MAP4K3: variants seen among roughly 807,000 people sequenced by gnomAD.
MAP4K3 encodes MAPK/ERK kinase kinase kinase 3.
Under a neutral mutation model 143.5 loss-of-function variants are expected in MAP4K3, and 94 were observed. That is an observed-to-expected ratio of 0.65 (90% CI 0.55 to 0.78). MAP4K3 has a LOEUF of 0.78. Among genes scored for constraint, MAP4K3 ranks in the 30% least tolerant of loss-of-function variants. The pLI is 0.00. For missense variants in MAP4K3, 1,077 were observed against 1,068.1 expected, an observed-to-expected ratio of 1.01 and a Z score of -0.12; for synonymous variants, 416 against 347.2, an observed-to-expected ratio of 1.20 and a Z score of -2.20.
intron 6 of MAP4K3, among the ~76,000 whole-genome samples, chr2:39,336,471 C>CAAAAAAAAAAAAAAAAAAA (rs55780656): frequency 2.6e-5 from 1 of 38,664 alleles, no homozygotes; most frequent in African/African-American, 1.5e-4. Flanking sequence ...GACTCCATCT[C>CAAAAAAAAAAAAAAAAAAA]AAAAAAAAAA....
At chr2:39,388,446 G>T (rs537174409) in intron 1 of MAP4K3, among the ~76,000 whole-genome samples, 1 of 152,194 alleles carries the variant, frequency 6.6e-6, no homozygotes, top group Admixed American at 6.5e-5. Context: ...TCTGTTAAAT[G>T]TATTTACTGA....
chr2:39,366,132 A>G (rs1469368501), intron 2 of MAP4K3, among the ~76,000 whole-genome samples: 1 of 152,166 alleles, frequency 6.6e-6, no homozygotes, highest in Non-Finnish European at 1.5e-5. Flanking sequence ...AGTCCTCAGG[A>G]GACCTGAGAA....
rs576717002 is a variant in MAP4K3 at position 39,405,712 on chromosome 2, A to C, written c.97-27589T>G. On this transcript the variant is annotated intron_variant, in intron 1 of 33. Transcript: ENST00000263881. ...TTGAAATGCCGTGTCTACAAAAAATACAAACATTAGCCAGCTGCAGTGGTG... is the reference window on the plus strand; with the variant it reads ...TTGAAATGCCGTGTCTACAAAAAATCCAAACATTAGCCAGCTGCAGTGGTG... Among the ~76,000 whole-genome samples the C allele has an allele frequency of 3.3e-5, 5 of 152,258 alleles. No homozygotes were observed. In the East Asian group the frequency reaches 9.7e-4, roughly 29 times the overall value.
intron 6 of MAP4K3, 104 bp from the exon 7 acceptor site, chr2:39,333,678 A>G (rs1434255814): frequency 1.7e-6 from 1 of 580,456 alleles, no homozygotes; most frequent in Admixed American, 3.2e-5. Context: ...CCTTAGACCT[A>G]GAAATACTTA....
In MAP4K3 at chr2:39,327,792, C is replaced by T. The variant is rs373138805; in HGVS notation, c.531-1515G>A. Among the ~76,000 whole-genome samples the T allele has an allele frequency of 4.1e-4, 62 of 151,612 alleles. No individual in the cohort carries two copies. In the South Asian group the frequency reaches 0.012, roughly 31 times the overall value. On this transcript the variant is annotated intron_variant, in intron 8 of 33. Coordinates refer to ENST00000263881, the MANE Select transcript of MAP4K3 (RefSeq NM_003618.4). The stretch of plus-strand genomic sequence containing the variant: ...GATTCCAAGTAGCTGGTAGAAATGC[C>T]CTAGTGGAGTGGGAAATGCATGCAA...
intron 24 of MAP4K3, 50 bp downstream of exon 24, chr2:39,278,357 T>C: frequency 9.1e-7 from 1 of 1,092,988 alleles, no homozygotes; most frequent in Non-Finnish European, 1.3e-6. Flanking sequence ...TAATGTGTAC[T>C]TATGGTAACT....
chr2:39,412,783 G>T (rs115312834), intron 1 of MAP4K3, among the ~76,000 whole-genome samples: 1 of 151,568 alleles, frequency 6.6e-6, no homozygotes, highest in African/African-American at 2.4e-5. Flanking sequence ...AACTATTCTC[G>T]TCTTACAAAT....
At chr2:39,269,470 C>CTTTTTTTTTTTTTTTTTTTTTTTT in intron 26 of MAP4K3, among the ~76,000 whole-genome samples, 1 of 89,676 alleles carries the variant, frequency 1.1e-5, no homozygotes, top group Admixed American at 1.5e-4. Context: ...TTGCTCAGGT[C>CTTTTTTTTTTTTTTTTTTTTTTTT]TTTTTTTTTT....
chr2:39,280,194 T>TA, intron 23 of MAP4K3, 78 bp downstream of exon 23: 1 of 833,796 alleles, frequency 1.2e-6, no homozygotes. Flanking sequence ...ACTCAGAAAA[T>TA]AAACAAAATC....
At chr2:39,360,509 C>T (rs773513909) in intron 2 of MAP4K3, among the ~76,000 whole-genome samples, 5 of 152,172 alleles carry the variant, frequency 3.3e-5, no homozygotes, top group Non-Finnish European at 4.4e-5. Flanking sequence ...TCCAAAGTTG[C>T]TTCCAGATTT....
rs34649274 is a variant in MAP4K3, at chr2:39,269,112, CTTT to C, written c.1974-1868_1974-1866del. ...ATAGATGCCAGTGCTCTGTACAAGT[CTTT>C]TTTTTTTTTTAGAGTTGTACAATTT... On this transcript the variant is annotated intron_variant, in intron 26 of 33. Coordinates refer to ENST00000263881, the MANE Select transcript of MAP4K3 (RefSeq NM_003618.4). Among the ~76,000 whole-genome samples the C allele has an allele frequency of 6.1e-3, 906 of 148,722 alleles. 14 individuals are homozygous for C. The highest frequency in any genetic ancestry group is 0.018 in the African/African-American group (721 of 40,344).
chr2:39,333,572 T>C lies in MAP4K3; in HGVS notation c.417A>G (p.Gly139=). 6.3e-7 allele frequency: 1 copy of C among 1,598,206 alleles called. No individual in the cohort carries two copies. Among genetic ancestry groups the C allele is most frequent in the East Asian group, 2.2e-5 (1 of 44,664 alleles). The change falls in exon 7 of 34, where the codon GGA becomes GGG. Residue 139 remains glycine (G), a splice_region_variant and synonymous_variant. Coordinates refer to ENST00000263881, the MANE Select transcript of MAP4K3 (RefSeq NM_003618.4). ...SKGKMHRDIK[G]ANILLTDNGH... ...CATTATCCGTTAATAGAATGTTAGCTCCCTTCAAAGTAACAATATTTTAGT... is the reference window on the plus strand; with the variant it reads ...CATTATCCGTTAATAGAATGTTAGCCCCCTTCAAAGTAACAATATTTTAGT...
intron 22 of MAP4K3, among the ~76,000 whole-genome samples, chr2:39,280,588 A>G (rs182095291): frequency 4.6e-5 from 7 of 152,256 alleles, no homozygotes; most frequent in African/African-American, 1.7e-4. Context: ...AAGAGAAAAA[A>G]AAAAGGTCTT....
chr2:39,343,620 T>C (rs1005755203), intron 3 of MAP4K3, among the ~76,000 whole-genome samples, 168 bp from the exon 4 acceptor site: 5 of 152,206 alleles, frequency 3.3e-5, no homozygotes, highest in Non-Finnish European at 5.9e-5. Context: ...CTTAATATAA[T>C]GTGTTACTAT....
chr2:39,265,335 T>C, intron 27 of MAP4K3, 29 bp from the exon 28 acceptor site: 1 of 1,312,356 alleles, frequency 7.6e-7, no homozygotes, highest in Non-Finnish European at 1.1e-6. Flanking sequence ...AAATGAGTTC[T>C]CTTATAAAAC....
intron 6 of MAP4K3, among the ~76,000 whole-genome samples, chr2:39,334,836 A>G (rs1683809970): frequency 6.6e-6 from 1 of 152,190 alleles, no homozygotes; most frequent in East Asian, 1.9e-4. Context: ...TAAAATAAAT[A>G]TATTTATCAT....
At chr2:39,427,244 G>A (rs144245629) in intron 1 of MAP4K3, among the ~76,000 whole-genome samples, 38 of 151,960 alleles carry the variant, frequency 2.5e-4, no homozygotes, top group Admixed American at 2.5e-3. Flanking sequence ...TAAAAGTAAA[G>A]ACAAAATAAA....
chr2:39,367,559 G>A (rs535077706), intron 2 of MAP4K3, among the ~76,000 whole-genome samples: 174 of 151,534 alleles, frequency 1.1e-3, no homozygotes, highest in Middle Eastern at 3.4e-3. Context: ...AAAAAGAAAA[G>A]GAAAAGGAAA....
At chr2:39,374,658 G>C (rs1171767712) in intron 2 of MAP4K3, among the ~76,000 whole-genome samples, 1 of 151,702 alleles carries the variant, frequency 6.6e-6, no homozygotes, top group Non-Finnish European at 1.5e-5. Flanking sequence ...CTCCAGCCTG[G>C]GCAACAGAGC....
Sources: gnomAD v4.1 joint callset for allele counts (sites outside exome capture counted in the v4.1 genomes callset) on GRCh38, gnomAD v4.1.1 for gene constraint, MANE v1.5 for transcripts, NCBI Gene and HGNC (gene_info 2026-07-23, HGNC 2026-07-21) for gene names.